Variants in SEMA6A observed in about 807,000 individuals in gnomAD.
SEMA6A encodes semaphorin-6A.
In SEMA6A, 25 loss-of-function variants were observed where a neutral mutation model predicts 96.8. The observed-to-expected ratio is 0.26, with a 90% CI of 0.19 to 0.36. The LOEUF (loss-of-function observed/expected upper bound fraction) is 0.36. Ranked by LOEUF, SEMA6A falls within the 10% of genes least tolerant of loss-of-function variation. The pLI is 1.00. For missense variants in SEMA6A, 1,363 were observed against 1,323.1 expected (o/e 1.03, Z -0.47); for synonymous variants, 612 against 518.0 (o/e 1.18, Z -2.46).
At chr5:116,469,915 C>T (rs1756005731) in intron 17 of SEMA6A, among the ~76,000 whole-genome samples, 1 of 152,162 alleles carries the variant, frequency 6.6e-6, no homozygotes, top group South Asian at 2.1e-4. Context: ...TCTCTTCTTC[C>T]TATCACTGAA....
chr5:116,446,630 T>C lies in SEMA6A; in HGVS notation c.3076A>G (p.Asn1026Asp). The change falls in exon 19 of 19, where the codon AAT becomes GAT. Residue 1026 changes from asparagine (N) to aspartate (D), a missense_variant. By Grantham distance (23) the Asn-to-Asp change is conservative (BLOSUM62 1). Around this residue, in one of 2 missense-constraint regions of SEMA6A, gnomAD observed 883 missense variants for 763.6 expected, o/e 1.16. Transcript: ENST00000343348. ...CCCTGGGATTATGTACACGCATCAT[T>C]GGGCTTCATGGATGTGGAAAGGGGA... is the stretch of plus-strand genomic sequence containing the variant. ...FAPLSTSMKP[N>D]DACT 1 of 1,511,154 alleles carries C rather than the reference T, an allele frequency of 6.6e-7. No individual in the cohort carries two copies. Among genetic ancestry groups the C allele is most frequent in the Non-Finnish European group, 8.9e-7 (1 of 1,129,156 alleles). 93.6% of individuals were successfully genotyped at this position (1,511,154 alleles called of 1,614,324 possible).
At chr5:116,544,449 C>A (rs376600471) in intron 1 of SEMA6A, among the ~76,000 whole-genome samples, 7 of 151,886 alleles carry the variant, frequency 4.6e-5, no homozygotes, top group Admixed American at 4.6e-4. Context: ...TGCCACCATG[C>A]CCAGCGAAAT....
intron 1 of SEMA6A, chr5:116,562,764 C>T: frequency 1.4e-6 from 1 of 734,086 alleles, no homozygotes. Flanking sequence ...CGAGATGAAT[C>T]TTTGCCATAT....
intron 1 of SEMA6A, among the ~76,000 whole-genome samples, chr5:116,506,740 T>C (rs184896842): frequency 6.6e-6 from 1 of 152,178 alleles, no homozygotes; most frequent in Non-Finnish European, 1.5e-5. Flanking sequence ...AGCTCAAGAA[T>C]AGTATTATAA....
chr5:116,502,462 TA>T, intron 2 of SEMA6A, 135 bp from the exon 3 acceptor site: 1 of 661,170 alleles, frequency 1.5e-6, no homozygotes, highest in Non-Finnish European at 2.7e-6. Flanking sequence ...TCCATTTCCA[TA>T]TGAGTCTGTT....
At chr5:116,524,771 T>TACACACACACACACACAGACACACACAC (rs1361829381) in intron 1 of SEMA6A, among the ~76,000 whole-genome samples, 1 of 19,110 alleles carries the variant, frequency 5.2e-5, no homozygotes, top group South Asian at 3.5e-3. Flanking sequence ...TGGGTATGTA[T>TACACACACACACACACAGACACACACAC]ACACACACAC....
chr5:116,508,184 C>G (rs548835645), intron 1 of SEMA6A: 1 of 152,140 alleles, frequency 6.6e-6, no homozygotes, highest in African/African-American at 2.4e-5. Context: ...GAAGACGAAA[C>G]AAAGGAGACC....
At chr5:116,552,757 T>C (rs1179413160) in intron 1 of SEMA6A, among the ~76,000 whole-genome samples, 1 of 152,222 alleles carries the variant, frequency 6.6e-6, no homozygotes, top group East Asian at 1.9e-4. Context: ...GGGGCACTTT[T>C]ACAAATCCAA....
intron 7 of SEMA6A, among the ~76,000 whole-genome samples, chr5:116,491,213 A>T (rs1182829424): frequency 6.6e-6 from 1 of 151,992 alleles, no homozygotes; most frequent in African/African-American, 2.4e-5. Flanking sequence ...TCTTTTCTAT[A>T]TGTGGACAGG....
chr5:116,556,107 G>T (rs1227771855), intron 1 of SEMA6A, among the ~76,000 whole-genome samples: 1 of 152,098 alleles, frequency 6.6e-6, no homozygotes, highest in Non-Finnish European at 1.5e-5. Flanking sequence ...CCCAACAAAG[G>T]CAAATAACAA....
chr5:116,549,657 C>A (rs555950778), intron 1 of SEMA6A, among the ~76,000 whole-genome samples: 2 of 152,170 alleles, frequency 1.3e-5, no homozygotes, highest in Admixed American at 1.3e-4. Context: ...ACAAGGCATA[C>A]ATATCCAATT....
At chr5:116,512,562 G>C (rs997677815) in intron 1 of SEMA6A, among the ~76,000 whole-genome samples, 2 of 152,078 alleles carry the variant, frequency 1.3e-5, no homozygotes, top group African/African-American at 2.4e-5. Context: ...AACTGAATTC[G>C]TAAGTACTTC....
At position 116,491,613 on chromosome 5, in the gene SEMA6A, C is replaced by G. The variant is rs187696624; in HGVS notation, c.535+127G>C. 4.4e-3 allele frequency: 3,107 copies of G among 703,034 alleles called. 21 individuals are homozygous for G. Among genetic ancestry groups the G allele is most frequent in the Non-Finnish European group, 5.1e-3 (2,033 of 398,422 alleles). 43.5% of individuals were successfully genotyped at this position (703,034 alleles called of 1,614,324 possible). A position where few individuals can be genotyped will look rare whatever the true frequency, so the allele number is the denominator to read the frequency against. On this transcript the variant is annotated intron_variant, in intron 7 of 18. Transcript: ENST00000343348. ...TACTAATTTCAAACAGAAAGGCATT[C>G]TTAATTACAGTATTCACCAGAGAAT...
chr5:116,529,987 CTAAAA>C (rs1759391786), intron 1 of SEMA6A, among the ~76,000 whole-genome samples: 1 of 151,932 alleles, frequency 6.6e-6, no homozygotes, highest in African/African-American at 2.4e-5. Context: ...CCCTCGGAAC[CTAAAA>C]TAAAAGTAGA....
intron 18 of SEMA6A, among the ~76,000 whole-genome samples, chr5:116,458,430 TG>T (rs1328774715): frequency 6.6e-6 from 1 of 151,808 alleles, no homozygotes; most frequent in African/African-American, 2.4e-5. Context: ...GGGAAAAGGG[TG>T]GGGGTAAAGT....
intron 3 of SEMA6A, chr5:116,499,136 A>C (rs1420548059): frequency 6.6e-6 from 1 of 152,220 alleles, no homozygotes; most frequent in Non-Finnish European, 1.5e-5. Flanking sequence ...TTTTAAACAC[A>C]GAATTCTGTG....
In SEMA6A at chr5:116,458,216, G is replaced by A. The variant is rs536816872; in HGVS notation, c.1894+9367C>T. On this transcript the variant is annotated intron_variant, in intron 18 of 18. Coordinates refer to ENST00000343348, the MANE Select transcript of SEMA6A (RefSeq NM_020796.5). ...CTAATTGATTCTTCACAATTTTATC[G>A]TTAGGACAAAACAAAATCTAGATGA... Among the ~76,000 whole-genome samples the A allele has an allele frequency of 3.3e-5, 5 of 152,198 alleles. No individual in the cohort carries two copies. In the East Asian group the frequency reaches 7.7e-4, roughly 23 times the overall value.
intron 1 of SEMA6A, among the ~76,000 whole-genome samples, chr5:116,517,868 C>T (rs532600945): frequency 6.6e-6 from 1 of 152,286 alleles, no homozygotes; most frequent in African/African-American, 2.4e-5. Flanking sequence ...ACAGACTTCA[C>T]AGGCTTTTTG....
intron 18 of SEMA6A, among the ~76,000 whole-genome samples, chr5:116,463,568 C>A (rs754653577): frequency 7.9e-5 from 12 of 152,276 alleles, no homozygotes; most frequent in Non-Finnish European, 1.5e-4. Flanking sequence ...CATTTGCTAT[C>A]CATTTTAGCT....
Sources: allele counts gnomAD v4.1 joint callset (sites outside exome capture counted in the v4.1 genomes callset), GRCh38; gene constraint gnomAD v4.1.1; regional missense constraint gnomAD v4.1.1; transcripts MANE v1.5; gene names NCBI Gene and HGNC (gene_info 2026-07-23, HGNC 2026-07-21).